The following MKLN1 variants were observed in gnomAD, a reference collection of about 807,000 sequenced individuals.
MKLN1 encodes muskelin.
MKLN1 carries 18 observed loss-of-function variants against 99.0 expected under a neutral mutation model. The observed-to-expected ratio is 0.18, with a 90% CI of 0.13 to 0.27. The LOEUF is 0.27. Ranked by LOEUF, MKLN1 falls within the 10% of genes least tolerant of loss-of-function variation. The probability of loss-of-function intolerance (pLI) is 1.00; values close to 1 mark genes in which losing one functional copy is unlikely to be tolerated. For synonymous variants in MKLN1, 288 were observed against 293.2 expected (o/e 0.98, Z 0.18); for missense variants, 621 against 875.9 (o/e 0.71, Z 3.67).
At chr7:131,152,943 C>T (rs1299278770) in intron 2 of MKLN1, among the ~76,000 whole-genome samples, 1 of 151,616 alleles carries the variant, frequency 6.6e-6, no homozygotes, top group Non-Finnish European at 1.5e-5. Context: ...GTAGAACTTC[C>T]CACAGTCTGG....
chr7:131,309,567 C>G (rs1440040170), intron 3 of MKLN1, among the ~76,000 whole-genome samples: 2 of 151,948 alleles, frequency 1.3e-5, no homozygotes, highest in Non-Finnish European at 2.9e-5. Flanking sequence ...CACCCACCAT[C>G]ACAGCTGGCT....
intron 2 of MKLN1, among the ~76,000 whole-genome samples, chr7:131,144,975 C>T (rs1057474551): frequency 6.6e-6 from 1 of 151,900 alleles, no homozygotes; most frequent in Non-Finnish European, 1.5e-5. Context: ...GAAACTCCAT[C>T]CCCCAACCAG....
chr7:131,372,150 A>G (rs908654608), intron 1 of MKLN1, among the ~76,000 whole-genome samples: 6 of 151,884 alleles, frequency 4.0e-5, no homozygotes, highest in Non-Finnish European at 7.4e-5. Context: ...ATTATACTTC[A>G]TGATTTTTGT....
intron 3 of MKLN1, among the ~76,000 whole-genome samples, chr7:131,217,735 C>T (rs755437926): frequency 6.6e-6 from 1 of 152,038 alleles, no homozygotes; most frequent in Non-Finnish European, 1.5e-5. Context: ...GGGATAGGCT[C>T]CTTAAAAGAG....
intron 10 of MKLN1, among the ~76,000 whole-genome samples, chr7:131,439,865 A>AACACAC (rs57399724): frequency 1.4e-5 from 2 of 146,218 alleles, no homozygotes; most frequent in African/African-American, 5.1e-5. Context: ...AAAAGATTTA[A>AACACAC]ACACACACAC....
At chr7:131,370,685 G>A (rs1800321817) in intron 1 of MKLN1, among the ~76,000 whole-genome samples, 1 of 152,102 alleles carries the variant, frequency 6.6e-6, no homozygotes, top group African/African-American at 2.4e-5. Context: ...TCAACTGACA[G>A]GGCAAGTTCT....
chr7:131,332,624 A>G (rs1799111952), intron 1 of MKLN1, among the ~76,000 whole-genome samples: 2 of 151,874 alleles, frequency 1.3e-5, no homozygotes, highest in African/African-American at 4.8e-5. Context: ...ACTGTTTATT[A>G]TCATTCCAGA....
chr7:131,342,596 A>G (rs1219194001), intron 1 of MKLN1, among the ~76,000 whole-genome samples: 2 of 152,246 alleles, frequency 1.3e-5, no homozygotes, highest in Non-Finnish European at 1.5e-5. Flanking sequence ...TTAAAAACAA[A>G]TTAATCTTTT....
chr7:131,450,352 T>C (rs530248120), intron 12 of MKLN1, among the ~76,000 whole-genome samples: 1 of 152,236 alleles, frequency 6.6e-6, no homozygotes, highest in Non-Finnish European at 1.5e-5. Context: ...CATGGAGTTA[T>C]GGTTGTACAC....
At chr7:131,271,990 C>A (rs975248389) in intron 3 of MKLN1, among the ~76,000 whole-genome samples, 1 of 152,030 alleles carries the variant, frequency 6.6e-6, no homozygotes, top group Non-Finnish European at 1.5e-5. Context: ...ACTTCCAATT[C>A]CCCGTACATC....
At chr7:131,172,112 A>AATTT (rs753927411) in intron 2 of MKLN1, among the ~76,000 whole-genome samples, 8 of 151,864 alleles carry the variant, frequency 5.3e-5, no homozygotes, top group South Asian at 2.1e-4. Flanking sequence ...TCCACACAAG[A>AATTT]ATTTATTTAT....
At chr7:131,339,719 G>A (rs1799351145) in intron 1 of MKLN1, among the ~76,000 whole-genome samples, 1 of 151,752 alleles carries the variant, frequency 6.6e-6, no homozygotes. Flanking sequence ...AAAATTGAGA[G>A]TTTAATCTTT....
intron 1 of MKLN1, 173 bp downstream of exon 1, chr7:131,328,170 G>T: frequency 1.2e-6 from 1 of 812,332 alleles, no homozygotes; most frequent in Non-Finnish European, 1.9e-6. Context: ...GGCCTCGCTC[G>T]GGAAGGGGTT....
chr7:131,294,964 G>A (rs1249770925), intron 3 of MKLN1, among the ~76,000 whole-genome samples: 1 of 152,152 alleles, frequency 6.6e-6, no homozygotes, highest in African/African-American at 2.4e-5. Flanking sequence ...ACGACGGGAG[G>A]ATGGGGTCCT....
chr7:131,200,037 G>A (rs1796704758), intron 2 of MKLN1, among the ~76,000 whole-genome samples: 1 of 151,896 alleles, frequency 6.6e-6, no homozygotes, highest in Non-Finnish European at 1.5e-5. Context: ...TTGAGATGAG[G>A]TCTTGCTCTG....
chr7:131,142,117 CA>C (rs749533088), intron 1 of MKLN1, among the ~76,000 whole-genome samples: 7 of 150,448 alleles, frequency 4.7e-5, no homozygotes, highest in Non-Finnish European at 7.4e-5. Context: ...TCTACAAAAA[CA>C]AAAAAAAGGC....
chr7:131,273,651 G>T (rs1219062925), intron 3 of MKLN1, among the ~76,000 whole-genome samples: 6 of 150,186 alleles, frequency 4.0e-5, no homozygotes, highest in Non-Finnish European at 7.4e-5. Flanking sequence ...TTGTGACAGG[G>T]TCTCACTCTG....
intron 3 of MKLN1, among the ~76,000 whole-genome samples, chr7:131,207,892 A>G (rs1490751854): frequency 6.6e-6 from 1 of 152,250 alleles, no homozygotes; most frequent in Non-Finnish European, 1.5e-5. Flanking sequence ...GAAAGAACAT[A>G]TATAGAAATA....
intron 16 of MKLN1, among the ~76,000 whole-genome samples, chr7:131,471,441 A>G (rs1796818336): frequency 6.6e-6 from 1 of 152,224 alleles, no homozygotes; most frequent in Non-Finnish European, 1.5e-5. Flanking sequence ...TCTATAGGCT[A>G]CTAATTTCAT....
Sources: allele counts gnomAD v4.1 joint callset (sites outside exome capture counted in the v4.1 genomes callset), GRCh38; gene constraint gnomAD v4.1.1; transcripts MANE v1.5; gene names NCBI Gene and HGNC (gene_info 2026-07-23, HGNC 2026-07-21).